ATRNL1: variants seen among roughly 807,000 people sequenced by gnomAD.
ATRNL1 encodes the protein attractin like 1, also known as attractin-like protein 1.
ATRNL1 carries 95 observed loss-of-function variants against 182.7 expected under a neutral mutation model. The observed-to-expected ratio is 0.52, with a 90% CI of 0.44 to 0.62. The LOEUF is 0.62. Among genes scored for constraint, ATRNL1 ranks in the 20% least tolerant of loss-of-function variants. The probability of loss-of-function intolerance (pLI) is 0.00; values close to 1 mark genes in which losing one functional copy is unlikely to be tolerated. For synonymous variants in ATRNL1, 576 were observed against 568.3 expected, an observed-to-expected ratio of 1.01 and a Z score of -0.19; for missense variants, 1,471 against 1,679.5, an observed-to-expected ratio of 0.88 and a Z score of 2.17.
chr10:115,601,820 T>A (rs1347229186), intron 26 of ATRNL1, among the ~76,000 whole-genome samples: 1 of 152,216 alleles, frequency 6.6e-6, no homozygotes, highest in Non-Finnish European at 1.5e-5. Context: ...CAGTAATTTC[T>A]TCCTGCATTT....
chr10:115,796,698 C>T lies in ATRNL1; in HGVS notation c.3904-51179C>T, dbSNP rs147516959. ...AGTCAAACCCTTTGAGCATTATTTT[C>T]GAAAGGAAAGTAAATCATAAGCAGT... On this transcript the variant is annotated intron_variant, in intron 27 of 28. Coordinates refer to ENST00000355044, the MANE Select transcript of ATRNL1 (RefSeq NM_207303.4). Among the ~76,000 whole-genome samples the T allele has an allele frequency of 8.5e-5, 13 of 152,208 alleles. No individual in the cohort carries two copies. In the East Asian group the frequency reaches 1.5e-3, roughly 18 times the overall value.
chr10:115,495,710 T>C (rs1849513570), intron 24 of ATRNL1, among the ~76,000 whole-genome samples: 1 of 152,204 alleles, frequency 6.6e-6, no homozygotes, highest in African/African-American at 2.4e-5. Flanking sequence ...AGTTTTTTTT[T>C]TTTAATTTGC....
At chr10:115,871,371 C>T (rs1555106038) in intron 28 of ATRNL1, among the ~76,000 whole-genome samples, 2 of 149,788 alleles carry the variant, frequency 1.3e-5, no homozygotes, top group African/African-American at 4.9e-5. Flanking sequence ...TAGCCTTTCT[C>T]TTAGATTCAT....
At chr10:115,462,509 G>A (rs1403631827) in intron 22 of ATRNL1, among the ~76,000 whole-genome samples, 1 of 152,058 alleles carries the variant, frequency 6.6e-6, no homozygotes, top group East Asian at 1.9e-4. Flanking sequence ...CTACTGAGGA[G>A]GCTGAGGCAG....
At chr10:115,501,243 C>G (rs1554980043) in intron 24 of ATRNL1, among the ~76,000 whole-genome samples, 1 of 152,028 alleles carries the variant, frequency 6.6e-6, no homozygotes, top group Non-Finnish European at 1.5e-5. Flanking sequence ...CCAGGTGAGA[C>G]TTTTTTAAAG....
At chr10:115,442,549 C>T (rs909278646) in intron 21 of ATRNL1, among the ~76,000 whole-genome samples, 6 of 151,998 alleles carry the variant, frequency 3.9e-5, no homozygotes, top group African/African-American at 1.4e-4. Flanking sequence ...TCTGTTGTTC[C>T]TACTAAACTC....
At chr10:115,148,730 T>C (rs1846079613) in intron 5 of ATRNL1, among the ~76,000 whole-genome samples, 1 of 150,522 alleles carries the variant, frequency 6.6e-6, no homozygotes, top group South Asian at 2.1e-4. Context: ...ATCTCCCTCT[T>C]TGAGGCCAGA....
intron 27 of ATRNL1, among the ~76,000 whole-genome samples, chr10:115,757,587 T>A (rs1393124368): frequency 3.3e-5 from 5 of 152,174 alleles, no homozygotes; most frequent in African/African-American, 1.2e-4. Flanking sequence ...TGGCTGCCCT[T>A]AACATTTTTT....
At chr10:115,381,169 T>G (rs1185768773) in intron 19 of ATRNL1, among the ~76,000 whole-genome samples, 17 of 152,172 alleles carry the variant, frequency 1.1e-4, no homozygotes, top group African/African-American at 3.9e-4. Flanking sequence ...TGCTTATCAG[T>G]CATTTGTAAA....
chr10:115,353,116 A>G (rs1421409766), intron 19 of ATRNL1, among the ~76,000 whole-genome samples: 1 of 152,166 alleles, frequency 6.6e-6, no homozygotes, highest in Non-Finnish European at 1.5e-5. Context: ...CTAATGGTGC[A>G]TTGTTGATTT....
intron 15 of ATRNL1, among the ~76,000 whole-genome samples, chr10:115,299,393 C>T (rs1455354264): frequency 1.3e-5 from 2 of 151,782 alleles, no homozygotes; most frequent in African/African-American, 2.4e-5. Context: ...ATTATAGGCA[C>T]GAGCATCAGA....
intron 21 of ATRNL1, 66 bp downstream of exon 21, chr10:115,426,368 T>A: frequency 8.7e-7 from 1 of 1,152,428 alleles, no homozygotes; most frequent in African/African-American, 1.6e-5. Context: ...ATAATAAAGG[T>A]CATCTTGAAT....
chr10:115,885,153 G>A (rs535859034), intron 28 of ATRNL1, among the ~76,000 whole-genome samples: 1 of 152,310 alleles, frequency 6.6e-6, no homozygotes, highest in South Asian at 2.1e-4. Flanking sequence ...CAGTGACTGT[G>A]TAAGTAGAGA....
At chr10:115,723,683 G>A (rs1388281382) in intron 26 of ATRNL1, among the ~76,000 whole-genome samples, 1 of 151,864 alleles carries the variant, frequency 6.6e-6, no homozygotes, top group Non-Finnish European at 1.5e-5. Flanking sequence ...TGAGTAGCTG[G>A]GATTACAGGC....
intron 28 of ATRNL1, among the ~76,000 whole-genome samples, chr10:115,920,558 A>G (rs1370918134): frequency 6.6e-6 from 1 of 152,248 alleles, no homozygotes; most frequent in Non-Finnish European, 1.5e-5. Context: ...GAATCCATCT[A>G]GCCAGATCTG....
chr10:115,676,427 A>C (rs1457342039), intron 26 of ATRNL1, among the ~76,000 whole-genome samples: 5 of 152,076 alleles, frequency 3.3e-5, no homozygotes, highest in African/African-American at 1.2e-4. Flanking sequence ...ATTTAGTAGA[A>C]TTATTTACTC....
At chr10:115,565,563 T>A (rs1555001432) in intron 26 of ATRNL1, among the ~76,000 whole-genome samples, 1 of 152,126 alleles carries the variant, frequency 6.6e-6, no homozygotes, top group East Asian at 1.9e-4. Context: ...TATGCATTTA[T>A]AGCAATTAAT....
chr10:115,142,048 A>C (rs1226146329), intron 5 of ATRNL1, among the ~76,000 whole-genome samples: 1 of 152,204 alleles, frequency 6.6e-6, no homozygotes, highest in African/African-American at 2.4e-5. Flanking sequence ...GGAACAAAGA[A>C]GACAAAGATC....
chr10:115,863,832 A>G (rs1414549167), intron 28 of ATRNL1, among the ~76,000 whole-genome samples: 2 of 152,230 alleles, frequency 1.3e-5, no homozygotes, highest in Non-Finnish European at 2.9e-5. Context: ...AGAAGGGCCA[A>G]CCACAAGATA....
Sources: gnomAD v4.1 joint callset for allele counts (sites outside exome capture counted in the v4.1 genomes callset) on GRCh38, gnomAD v4.1.1 for gene constraint, MANE v1.5 for transcripts, NCBI Gene and HGNC (gene_info 2026-07-23, HGNC 2026-07-21) for gene names.